CEP192: variants seen among roughly 807,000 people sequenced by gnomAD.
The protein encoded by CEP192 is centrosomal protein of 192 kDa.
A neutral mutation model predicts 271.8 loss-of-function variants in CEP192; 151 were observed. That is an observed-to-expected ratio of 0.56 (90% CI 0.49 to 0.64). The LOEUF is 0.64. Among genes scored for constraint, CEP192 ranks in the 30% least tolerant of loss-of-function variants. CEP192 has a pLI of 0.00. For synonymous variants in CEP192, 995 were observed against 1,076.5 expected, an observed-to-expected ratio of 0.92 and a Z score of 1.48; for missense variants, 2,910 against 3,020.5, an observed-to-expected ratio of 0.96 and a Z score of 0.86.
At chr18:13,003,904 G>A (rs558028916) in intron 3 of CEP192, among the ~76,000 whole-genome samples, 1 of 152,272 alleles carries the variant, frequency 6.6e-6, no homozygotes, top group Non-Finnish European at 1.5e-5. Context: ...GGAAGAGAGC[G>A]AACAGGCGTG....
At chr18:12,999,919 G>A (rs1358576051) in intron 2 of CEP192, among the ~76,000 whole-genome samples, 1 of 150,322 alleles carries the variant, frequency 6.7e-6, no homozygotes, top group Non-Finnish European at 1.5e-5. Flanking sequence ...TTGTGTTAGC[G>A]AAGTTCAAAG....
intron 9 of CEP192, among the ~76,000 whole-genome samples, chr18:13,025,791 ATG>A (rs2035262908): frequency 1.3e-5 from 2 of 152,200 alleles, no homozygotes; most frequent in Admixed American, 6.5e-5. Flanking sequence ...ATAAGCATAT[ATG>A]TGTGTCTGTA....
Position 13,117,625 on chromosome 18 carries a change from A to G in CEP192, c.7457A>G (p.His2486Arg). ...CCCAGAGAGCCATTCTATGTCAAAC[A>G]TTCCAAGTACTCTTTGAGGTAAGTT... The part of the protein sequence containing the change: ...LSPREPFYVK[H>R]SKYSLRAQHY... The change falls in exon 44 of 45, where the codon CAT (histidine) becomes CGT (arginine). Residue 2486 changes from histidine to arginine, a missense_variant. Transcript: ENST00000506447. The G allele has an allele frequency of 1.9e-6, 3 of 1,612,972 alleles. No homozygotes were observed. The highest frequency in any genetic ancestry group is 2.5e-6 in the Non-Finnish European group (3 of 1,178,988).
intron 13 of CEP192, 105 bp from the exon 14 acceptor site, chr18:13,040,725 T>C: frequency 1.2e-6 from 1 of 867,642 alleles, no homozygotes; most frequent in Admixed American, 3.2e-5. Flanking sequence ...GAAGAACAGT[T>C]TTTTGATGTC....
At chr18:12,998,052 T>G (rs1205846814) in intron 1 of CEP192, among the ~76,000 whole-genome samples, 1 of 152,132 alleles carries the variant, frequency 6.6e-6, no homozygotes, top group East Asian at 1.9e-4. Context: ...GTCATAAAAC[T>G]TCTTCTTTTT....
chr18:13,121,449 C>A (rs537277842), intron 44 of CEP192, among the ~76,000 whole-genome samples: 4 of 152,274 alleles, frequency 2.6e-5, no homozygotes, highest in African/African-American at 9.6e-5. Flanking sequence ...TAAGCTGATT[C>A]TAGCTTAAGG....
chr18:13,092,511 A>G lies in CEP192; in HGVS notation c.6238A>G (p.Ser2080Gly). 6.2e-7 allele frequency: 1 copy of G among 1,607,058 alleles called. No homozygotes were observed. Among genetic ancestry groups the G allele is most frequent in the Non-Finnish European group, 8.5e-7 (1 of 1,177,518 alleles). Residue 2080 changes from serine to glycine, a missense_variant, in exon 34 of 45, where the codon AGC (serine) becomes GGC (glycine). Ser to Gly is a moderately conservative substitution (Grantham distance 56, BLOSUM62 0). Transcript: ENST00000506447. ...REFLQPSSKA[S>G]LESTSDLGAS... is the part of the protein sequence containing the mutation. ...ATTCCTTCAGCCTTCTTCCAAAGCT[A>G]GCTTGGAATCTACAAGGTAAAATAA... is the stretch of plus-strand genomic sequence containing the variant.
At chr18:13,114,831 A>G (rs906555951) in intron 42 of CEP192, among the ~76,000 whole-genome samples, 8 of 152,224 alleles carry the variant, frequency 5.3e-5, no homozygotes, top group African/African-American at 1.9e-4. Context: ...AGTTTTCCCT[A>G]AATAGTTGTA....
intron 21 of CEP192, among the ~76,000 whole-genome samples, chr18:13,067,390 T>C (rs979036161): frequency 6.6e-6 from 1 of 152,156 alleles, no homozygotes; most frequent in Non-Finnish European, 1.5e-5. Flanking sequence ...AGTGAGTCTG[T>C]CATGATCATA....
At position 13,062,087 on chromosome 18, in the gene CEP192, C is replaced by T. The variant is rs139305056; in HGVS notation, c.4488+2775C>T. ...TTTGGTAGTAGAAGGCAGTGGTTCC[C>T]TACTGGTGTGCTCATTGGAATCACC... On this transcript the variant is annotated intron_variant, in intron 21 of 44. Coordinates refer to ENST00000506447, the MANE Select transcript of CEP192 (RefSeq NM_032142.4). 3.8e-3 allele frequency among the ~76,000 whole-genome samples: 577 copies of T among 152,292 alleles called. 10 individuals carry two copies. Among genetic ancestry groups the T allele is most frequent in the African/African-American group, 0.013 (544 of 41,560 alleles).
chr18:13,013,633 G>A (rs1157626888), intron 5 of CEP192, among the ~76,000 whole-genome samples: 2 of 152,222 alleles, frequency 1.3e-5, no homozygotes, highest in African/African-American at 2.4e-5. Context: ...GTATACATGC[G>A]CAGATAGAGG....
At chr18:13,106,380 A>G (rs2039947239) in intron 40 of CEP192, among the ~76,000 whole-genome samples, 1 of 150,626 alleles carries the variant, frequency 6.6e-6, no homozygotes, top group South Asian at 2.1e-4. Context: ...CACAGCTACC[A>G]CCACCATCAC....
intron 1 of CEP192, among the ~76,000 whole-genome samples, chr18:12,998,035 T>TTTAG (rs2033369854): frequency 6.6e-6 from 1 of 152,190 alleles, no homozygotes; most frequent in Non-Finnish European, 1.5e-5. Flanking sequence ...TCATAATCTC[T>TTTAG]TTAGTGGTCA....
chr18:13,030,689 C>A, intron 11 of CEP192, 81 bp downstream of exon 11: 1 of 1,103,902 alleles, frequency 9.1e-7, no homozygotes, highest in Non-Finnish European at 1.3e-6. Context: ...TGTTGGTCAG[C>A]CACATCAGAT....
chr18:13,041,791 C>T (rs1323525475), intron 14 of CEP192, among the ~76,000 whole-genome samples: 1 of 152,080 alleles, frequency 6.6e-6, no homozygotes, highest in African/African-American at 2.4e-5. Flanking sequence ...GTCTCAAACT[C>T]CTGACCTCAA....
At chr18:13,021,426 G>A (rs1403916297) in intron 9 of CEP192, among the ~76,000 whole-genome samples, 5 of 152,154 alleles carry the variant, frequency 3.3e-5, no homozygotes, top group Non-Finnish European at 7.4e-5. Context: ...AATTTATCAT[G>A]TATGTGAGGG....
intron 30 of CEP192, among the ~76,000 whole-genome samples, chr18:13,079,616 G>T (rs181152863): frequency 1.3e-5 from 2 of 152,032 alleles, no homozygotes; most frequent in Non-Finnish European, 2.9e-5. Flanking sequence ...AACTTCTTTC[G>T]CTGTGCAGAA....
At chr18:13,033,430 C>T (rs902153774) in intron 11 of CEP192, among the ~76,000 whole-genome samples, 2 of 152,208 alleles carry the variant, frequency 1.3e-5, no homozygotes, top group African/African-American at 4.8e-5. Flanking sequence ...GGTGATAAAA[C>T]TGTCTTAGCA....
At chr18:13,121,666 C>G (rs1210771547) in intron 44 of CEP192, among the ~76,000 whole-genome samples, 1 of 151,966 alleles carries the variant, frequency 6.6e-6, no homozygotes, top group East Asian at 1.9e-4. Flanking sequence ...CTACTTAGTC[C>G]CCAAAAGCAT....
Sources: gnomAD v4.1 joint callset for allele counts (sites outside exome capture counted in the v4.1 genomes callset) on GRCh38, gnomAD v4.1.1 for gene constraint, MANE v1.5 for transcripts, NCBI Gene and HGNC (gene_info 2026-07-23, HGNC 2026-07-21) for gene names.